SYNRG: variants seen among roughly 807,000 people sequenced by gnomAD.
SYNRG encodes the protein AP1 gamma subunit binding protein 1.
A neutral mutation model predicts 130.9 loss-of-function variants in SYNRG; 37 were observed. The ratio of observed to expected loss-of-function variants is 0.28; its 90% confidence interval spans 0.22 to 0.37. SYNRG has a LOEUF of 0.37. Among genes scored for constraint, SYNRG ranks in the 10% least tolerant of loss-of-function variants. The pLI, the probability that SYNRG is intolerant of heterozygous loss-of-function variation, is 1.00. For missense variants in SYNRG, 1,338 were observed against 1,588.9 expected (o/e 0.84, Z 2.68); for synonymous variants, 539 against 568.1 (o/e 0.95, Z 0.73).
At chr17:37,540,311 C>T (rs2057623069) in intron 16 of SYNRG, 69 bp downstream of exon 16, 1 of 1,542,362 alleles carries the variant, frequency 6.5e-7, no homozygotes, top group Non-Finnish European at 8.8e-7. Flanking sequence ...AAGCTGACAG[C>T]ATTCTTTCTT....
At chr17:37,522,339 T>G (rs1934647157) in intron 19 of SYNRG, among the ~76,000 whole-genome samples, 1 of 152,146 alleles carries the variant, frequency 6.6e-6, no homozygotes. Flanking sequence ...ATTTTTTGAT[T>G]TTTTTGTAAA....
chr17:37,576,347 C>A lies in SYNRG; in HGVS notation c.895G>T (p.Val299Phe), dbSNP rs138575379. The change falls in exon 8 of 22, where the codon GTT (valine) becomes TTT (phenylalanine). Residue 299 changes from valine (V) to phenylalanine (F), a missense_variant. Val to Phe is a conservative substitution (Grantham distance 50). This residue lies in a region of SYNRG where 1,146 missense variants were observed against 1,342.3 expected (regional missense o/e 0.85). Transcript: ENST00000612223. ...MPPWIYNESL[V>F]PDAYKKILET... The stretch of plus-strand genomic sequence containing the variant: ...GGTAAAGAAGCTTTTTTACCTGGAA[C>A]CAAACTCTCATTGTAAATCCAAGGA... 23 of 1,613,356 alleles carry A rather than the reference C, an allele frequency of 1.4e-5. No individual in the cohort carries two copies. Among genetic ancestry groups the A allele is most frequent in the Non-Finnish European group, 1.0e-5 (12 of 1,179,754 alleles).
chr17:37,529,003 C>T (rs368804399), intron 19 of SYNRG, among the ~76,000 whole-genome samples: 4 of 152,230 alleles, frequency 2.6e-5, no homozygotes, highest in Non-Finnish European at 5.9e-5. Flanking sequence ...GTTCAATTTA[C>T]AATACATTCC....
At chr17:37,551,900 T>C (rs1352545427) in intron 14 of SYNRG, among the ~76,000 whole-genome samples, 1 of 144,780 alleles carries the variant, frequency 6.9e-6, no homozygotes, top group East Asian at 2.0e-4. Flanking sequence ...AGACAGAAAG[T>C]AGACAGTCAA....
At chr17:37,552,577 T>C (rs2058790114) in intron 14 of SYNRG, among the ~76,000 whole-genome samples, 1 of 152,094 alleles carries the variant, frequency 6.6e-6, no homozygotes, top group South Asian at 2.1e-4. Flanking sequence ...AGAACATTCA[T>C]ATATAAACTC....
intron 1 of SYNRG, among the ~76,000 whole-genome samples, chr17:37,604,746 C>T (rs770476801): frequency 4.6e-5 from 7 of 152,106 alleles, no homozygotes; most frequent in African/African-American, 7.2e-5. Context: ...TTTCTAGCTT[C>T]GGATTTAAAG....
rs146538858 is a variant in SYNRG at position 37,525,768 on chromosome 17, C to T, written c.3667-5120G>A. Among the ~76,000 whole-genome samples, 1,050 of 152,154 alleles carry T rather than the reference C, an allele frequency of 6.9e-3. 11 individuals carry two copies. Among genetic ancestry groups the T allele is most frequent in the African/African-American group, 0.024 (986 of 41,426 alleles). Reference sequence around the variant, plus strand: ...GGATCACGAGGTCAGGCTTTGGAGACCAGCCTGGCCAACATGGTGAAACCC... The same window carrying T: ...GGATCACGAGGTCAGGCTTTGGAGATCAGCCTGGCCAACATGGTGAAACCC... On this transcript the variant is annotated intron_variant, in intron 19 of 21. Coordinates refer to ENST00000612223, the MANE Select transcript of SYNRG (RefSeq NM_007247.6).
At chr17:37,607,971 A>AAC (rs1555802951) in intron 1 of SYNRG, among the ~76,000 whole-genome samples, 4 of 104,190 alleles carry the variant, frequency 3.8e-5, no homozygotes, top group African/African-American at 3.0e-5. Flanking sequence ...AAAAAAAAAA[A>AAC]AAAAAAAAAC....
chr17:37,543,521 T>C (rs1380287753), intron 14 of SYNRG, among the ~76,000 whole-genome samples: 1 of 152,238 alleles, frequency 6.6e-6, no homozygotes, highest in African/African-American at 2.4e-5. Flanking sequence ...TGAACATTTC[T>C]GAACCTCAGT....
chr17:37,579,670 T>C (rs2061131887), intron 6 of SYNRG, among the ~76,000 whole-genome samples: 1 of 152,172 alleles, frequency 6.6e-6, no homozygotes, highest in Admixed American at 6.6e-5. Flanking sequence ...CTATTTTGTA[T>C]TTGGTTCAAA....
At chr17:37,606,047 G>T (rs1361617257) in intron 1 of SYNRG, 1 of 972,122 alleles carries the variant, frequency 1.0e-6, no homozygotes, top group Non-Finnish European at 1.2e-6. Flanking sequence ...ACGCACCCCT[G>T]AAGTTAAAAC....
chr17:37,518,859 G>T lies in SYNRG; in HGVS notation c.*81C>A. 2 of 1,562,158 alleles carry T rather than the reference G, an allele frequency of 1.3e-6. No homozygotes were observed. The highest frequency in any genetic ancestry group is 1.7e-6 in the Non-Finnish European group (2 of 1,151,376). ...GATTCAGGGAAGCGAACTGTGCAGTGCTCGCATTCTATTTATTGGTCCCTG... is the reference window on the plus strand; with the variant it reads ...GATTCAGGGAAGCGAACTGTGCAGTTCTCGCATTCTATTTATTGGTCCCTG... On this transcript the variant is annotated 3_prime_UTR_variant, in exon 22 of 22. Transcript: ENST00000612223.
intron 14 of SYNRG, among the ~76,000 whole-genome samples, chr17:37,548,414 G>C (rs2058446951): frequency 6.6e-6 from 1 of 152,190 alleles, no homozygotes. Context: ...TTGAATGGCA[G>C]GCCTGGCTTT....
chr17:37,593,230 C>T (rs2062365632), intron 3 of SYNRG, among the ~76,000 whole-genome samples: 1 of 151,954 alleles, frequency 6.6e-6, no homozygotes, highest in Admixed American at 6.6e-5. Context: ...CTGGCCAACA[C>T]TATGAAATGC....
chr17:37,559,086 T>C (rs1448019328), intron 13 of SYNRG, among the ~76,000 whole-genome samples: 3 of 152,224 alleles, frequency 2.0e-5, no homozygotes, highest in Admixed American at 2.0e-4. Flanking sequence ...TAAGAAGGTA[T>C]ATTTCTGTAT....
At chr17:37,576,678 A>G (rs540725760) in intron 7 of SYNRG, among the ~76,000 whole-genome samples, 6 of 152,234 alleles carry the variant, frequency 3.9e-5, no homozygotes, top group Non-Finnish European at 7.3e-5. Flanking sequence ...AAATCATATA[A>G]GCCTTGCACC....
rs1233145794 is a variant in SYNRG at position 37,517,751 on chromosome 17, C to T, written c.*1189G>A. ...GAGATTGAAAAATCTCTTCATAAAG[C>T]GCATAATCAACAATTCAGAGAGACG... On this transcript the variant is annotated 3_prime_UTR_variant, in exon 22 of 22. Coordinates refer to ENST00000612223, the MANE Select transcript of SYNRG (RefSeq NM_007247.6). The T allele has an allele frequency of 6.6e-6, 1 of 151,960 alleles. No homozygotes were observed. The highest frequency in any genetic ancestry group is 1.5e-5 in the Non-Finnish European group (1 of 67,998). The allele number at this position is 151,960 out of a possible 1,614,324, so 9.4% of individuals were successfully genotyped here. A position where few individuals can be genotyped will look rare whatever the true frequency, so the allele number is the denominator to read the frequency against.
At chr17:37,549,185 C>T (rs1236984333) in intron 14 of SYNRG, among the ~76,000 whole-genome samples, 1 of 151,204 alleles carries the variant, frequency 6.6e-6, no homozygotes, top group Non-Finnish European at 1.5e-5. Context: ...TCCTTCCTTC[C>T]TCAAATTCTA....
At position 37,538,982 on chromosome 17, in the gene SYNRG, G is replaced by A. The variant is rs2057474199; in HGVS notation, c.3420+210C>T. 3.4e-6 allele frequency: 3 copies of A among 890,930 alleles called. No individual in the cohort carries two copies. The African/African-American group carries it at 5.4e-5, about 16-fold the overall frequency. 55.2% of individuals were successfully genotyped at this position (890,930 alleles called of 1,614,324 possible). ...ATTTCTTAAACACAATGACAGATGA[G>A]GGGATGACTGACACATGAGCCGGTC... is the stretch of plus-strand genomic sequence containing the variant. On this transcript the variant is annotated intron_variant, in intron 17 of 21. Transcript: ENST00000612223.
Sources: allele counts gnomAD v4.1 joint callset (sites outside exome capture counted in the v4.1 genomes callset), GRCh38; gene constraint gnomAD v4.1.1; regional missense constraint gnomAD v4.1.1; transcripts MANE v1.5; gene names NCBI Gene and HGNC (gene_info 2026-07-23, HGNC 2026-07-21).